The following IL1R1 variants were observed in gnomAD, a reference collection of about 807,000 sequenced individuals.
IL1R1 encodes the protein interleukin-1 receptor type 1.
IL1R1 carries 22 observed loss-of-function variants against 50.2 expected under a neutral mutation model. The ratio of observed to expected loss-of-function variants is 0.44; its 90% CI spans 0.31 to 0.63. The LOEUF is 0.63. Among genes scored for constraint, IL1R1 ranks in the 20% least tolerant of loss-of-function variants. The pLI is 0.07. For synonymous variants in IL1R1, 251 were observed against 236.7 expected, an observed-to-expected ratio of 1.06 and a Z score of -0.55; for missense variants, 509 against 676.2, an observed-to-expected ratio of 0.75 and a Z score of 2.74.
chr2:102,128,796 G>C (rs1681866843), intron 1 of IL1R1, among the ~76,000 whole-genome samples: 2 of 152,182 alleles, frequency 1.3e-5, no homozygotes, highest in African/African-American at 4.8e-5. Flanking sequence ...AATGTGAAGG[G>C]GGAAAACGAT....
intron 1 of IL1R1, among the ~76,000 whole-genome samples, chr2:102,133,437 T>C (rs1682157460): frequency 1.3e-5 from 2 of 152,076 alleles, no homozygotes; most frequent in Admixed American, 1.3e-4. Flanking sequence ...TACCCAGATA[T>C]CAAAACCAAA....
chr2:102,155,860 C>T (rs975875530), intron 2 of IL1R1, among the ~76,000 whole-genome samples: 2 of 152,200 alleles, frequency 1.3e-5, no homozygotes, highest in Non-Finnish European at 2.9e-5. Context: ...GTGGTACAGG[C>T]CACCGGCCCT....
chr2:102,177,072 C>T lies in IL1R1; in HGVS notation c.*313C>T, dbSNP rs1686205633. The T allele has an allele frequency of 3.6e-6, 1 of 281,378 alleles. No individual in the cohort carries two copies. Among genetic ancestry groups the T allele is most frequent in the Non-Finnish European group, 6.7e-6 (1 of 148,372 alleles). The allele number at this position is 281,378 out of a possible 1,614,324, so 17.4% of individuals were successfully genotyped here. ...CCAGAGGTCAGGAGTTCGAGACCAGCCCAGCCAACATGGCAAAACCCCATC... is the reference window on the plus strand; with the variant it reads ...CCAGAGGTCAGGAGTTCGAGACCAGTCCAGCCAACATGGCAAAACCCCATC... On this transcript the variant is annotated 3_prime_UTR_variant, in exon 12 of 12. Coordinates refer to ENST00000410023, the MANE Select transcript of IL1R1 (RefSeq NM_000877.4).
At chr2:102,075,373 G>T (rs1399646862) in intron 1 of IL1R1, among the ~76,000 whole-genome samples, 2 of 152,074 alleles carry the variant, frequency 1.3e-5, no homozygotes, top group Non-Finnish European at 2.9e-5. Context: ...GAAATCTGGG[G>T]ATCCTGCCAT....
Position 102,175,772 on chromosome 2 carries a change from A to G in IL1R1, c.1303+127A>G. 3.7e-6 allele frequency: 3 copies of G among 811,536 alleles called. No individual in the cohort carries two copies. In the South Asian group the frequency reaches 4.4e-5, roughly 12 times the overall value. The allele number at this position is 811,536 out of a possible 1,614,324, so 50.3% of individuals were successfully genotyped here. A position where few individuals can be genotyped will look rare whatever the true frequency, so the allele number is the denominator to read the frequency against. On this transcript the variant is annotated intron_variant, in intron 11 of 11. Coordinates refer to ENST00000410023, the MANE Select transcript of IL1R1 (RefSeq NM_000877.4). The stretch of plus-strand genomic sequence containing the variant: ...TTCACAATTTTAAGAACCTCTTCAG[A>G]AGTGTATGATGATTTTTACATTTAT...
At chr2:102,153,177 C>T (rs574741581) in intron 1 of IL1R1, among the ~76,000 whole-genome samples, 28 of 152,260 alleles carry the variant, frequency 1.8e-4, no homozygotes, top group African/African-American at 6.7e-4. Flanking sequence ...ATACCTGCTT[C>T]TTAAACAGGG....
rs770058602 is a variant in IL1R1, at chr2:102,175,465, G to A, written c.1136-13G>A. The A allele has an allele frequency of 6.2e-7, 1 of 1,608,446 alleles. No individual in the cohort carries two copies. The highest frequency in any genetic ancestry group is 8.5e-7 in the Non-Finnish European group (1 of 1,174,976). ...TGCCTTGTGGTTCTAAATACATTATGTTTTTCCTTTAGCTTCAGATGGAAA... is the reference window on the plus strand; with the variant it reads ...TGCCTTGTGGTTCTAAATACATTATATTTTTCCTTTAGCTTCAGATGGAAA... On this transcript the variant is annotated splice_polypyrimidine_tract_variant and intron_variant, in intron 10 of 11. Transcript: ENST00000410023.
chr2:102,084,150 C>G (rs925092895), intron 1 of IL1R1, among the ~76,000 whole-genome samples: 12 of 152,000 alleles, frequency 7.9e-5, no homozygotes, highest in African/African-American at 2.9e-4. Flanking sequence ...ATGTGAGGCG[C>G]AAATGAGAAA....
At chr2:102,107,226 A>G (rs1680467477) in intron 1 of IL1R1, among the ~76,000 whole-genome samples, 1 of 151,980 alleles carries the variant, frequency 6.6e-6, no homozygotes. Flanking sequence ...ACAATAGCAA[A>G]GACTTGGAAC....
chr2:102,102,774 T>C (rs1238947035), upstream of IL1R1, among the ~76,000 whole-genome samples: 1 of 152,072 alleles, frequency 6.6e-6, no homozygotes, highest in Non-Finnish European at 1.5e-5. Flanking sequence ...GTAGACTGGA[T>C]AAAGAAAATG....
chr2:102,088,453 C>A (rs1224406090), intron 1 of IL1R1, among the ~76,000 whole-genome samples: 1 of 151,918 alleles, frequency 6.6e-6, no homozygotes, highest in African/African-American at 2.4e-5. Context: ...TAGCTCTCAA[C>A]AGTGGGCTTA....
intron 1 of IL1R1, among the ~76,000 whole-genome samples, chr2:102,078,019 A>G (rs774408947): frequency 6.6e-6 from 1 of 152,320 alleles, no homozygotes; most frequent in Non-Finnish European, 1.5e-5. Context: ...ATACTGTAAG[A>G]TTAAAGAAAA....
chr2:102,158,600 A>C (rs147541560), intron 3 of IL1R1, among the ~76,000 whole-genome samples: 1 of 152,348 alleles, frequency 6.6e-6, no homozygotes, highest in African/African-American at 2.4e-5. Flanking sequence ...TCAGAATAAA[A>C]ATATCAGCAT....
chr2:102,151,003 T>A (rs549741532), intron 1 of IL1R1, among the ~76,000 whole-genome samples: 1 of 152,380 alleles, frequency 6.6e-6, no homozygotes, highest in East Asian at 1.9e-4. Flanking sequence ...CATCTGTGAC[T>A]TTTTAATGTT....
chr2:102,105,839 A>G (rs1338599255), intron 1 of IL1R1, among the ~76,000 whole-genome samples: 2 of 152,290 alleles, frequency 1.3e-5, no homozygotes, highest in East Asian at 3.9e-4. Flanking sequence ...ACCTATAGCT[A>G]TAGAGAAGAC....
intron 1 of IL1R1, among the ~76,000 whole-genome samples, chr2:102,116,429 G>A (rs1047138524): frequency 3.9e-5 from 6 of 152,166 alleles, no homozygotes; most frequent in African/African-American, 1.4e-4. Flanking sequence ...AAAATACAAA[G>A]ATAAAATTTA....
intron 1 of IL1R1, among the ~76,000 whole-genome samples, chr2:102,092,952 A>T (rs1348694850): frequency 1.3e-5 from 2 of 152,168 alleles, no homozygotes; most frequent in Non-Finnish European, 2.9e-5. Context: ...AGAAAGAGAG[A>T]TTGCTCTATA....
In IL1R1 at chr2:102,176,702, A is replaced by G. The variant is rs147817875; in HGVS notation, c.1653A>G (p.Leu551=). ...GGTCACCTTCATCTAAACACCAGTT[A>G]CTGTCACCAGCCACTAAGGAGAAAC... ...QRRSPSSKHQ[L]LSPATKEKLQ... The change falls in exon 12 of 12, where the codon TTA becomes TTG. Residue 551 remains leucine (L), a synonymous_variant. Coordinates refer to ENST00000410023, the MANE Select transcript of IL1R1 (RefSeq NM_000877.4). 1.1e-5 allele frequency: 18 copies of G among 1,614,088 alleles called. No homozygotes were observed. Among genetic ancestry groups the G allele is most frequent in the Non-Finnish European group, 1.5e-5 (18 of 1,180,038 alleles).
At chr2:102,121,692 C>T (rs924198961) in intron 1 of IL1R1, among the ~76,000 whole-genome samples, 3 of 152,172 alleles carry the variant, frequency 2.0e-5, no homozygotes, top group African/African-American at 7.2e-5. Flanking sequence ...ATACCATTTT[C>T]TCTCTCTCAA....
Sources: gnomAD v4.1 joint callset for allele counts (sites outside exome capture counted in the v4.1 genomes callset) on GRCh38, gnomAD v4.1.1 for gene constraint, MANE v1.5 for transcripts, NCBI Gene and HGNC (gene_info 2026-07-23, HGNC 2026-07-21) for gene names.